Variants in UBE2E1 observed in about 807,000 individuals in gnomAD.
The protein encoded by UBE2E1 is ubiquitin-conjugating enzyme E2 E1.
UBE2E1 carries 6 observed loss-of-function variants against 21.4 expected under a neutral mutation model. The observed-to-expected ratio is 0.28, with a 90% CI of 0.15 to 0.55. The LOEUF (loss-of-function observed/expected upper bound fraction) is 0.55. UBE2E1 is among the 20% of genes least tolerant of loss of function. UBE2E1 has a pLI of 0.93. For missense variants in UBE2E1, 142 were observed against 236.5 expected, an observed-to-expected ratio of 0.60 and a Z score of 2.62; for synonymous variants, 87 against 82.7, an observed-to-expected ratio of 1.05 and a Z score of -0.28.
In UBE2E1 at chr3:23,891,110, G is replaced by A. The variant is rs766188277; in HGVS notation, c.*504G>A. 2.0e-5 allele frequency: 3 copies of A among 152,590 alleles called. No homozygotes were observed. Among genetic ancestry groups the A allele is most frequent in the African/African-American group, 4.8e-5 (2 of 41,428 alleles). The allele number at this position is 152,590 out of a possible 1,614,324, so 9.5% of individuals were successfully genotyped here. A position where few individuals can be genotyped will look rare whatever the true frequency, so the allele number is the denominator to read the frequency against. ...AAACACCATATAAGAGATGAGTAGT[G>A]CGTTTTATTTTATATGCCAATCTAC... is the stretch of plus-strand genomic sequence containing the variant. On this transcript the variant is annotated 3_prime_UTR_variant, in exon 6 of 6. Transcript: ENST00000306627.
chr3:23,866,449 C>T (rs995503092), intron 3 of UBE2E1: 1 of 152,264 alleles, frequency 6.6e-6, no homozygotes, highest in East Asian at 1.9e-4. Flanking sequence ...AATTCCTGGA[C>T]TGTGGGACCA....
Position 23,816,814 on chromosome 3 carries a change from A to G in UBE2E1, c.203+5304A>G, listed in dbSNP as rs1699528740. Among the ~76,000 whole-genome samples, 1 of 152,234 alleles carries G rather than the reference A, an allele frequency of 6.6e-6. No individual in the cohort carries two copies. Among genetic ancestry groups the G allele is most frequent in the Admixed American group, 6.5e-5 (1 of 15,288 alleles). On this transcript the variant is annotated intron_variant, in intron 3 of 5. Coordinates refer to ENST00000306627, the MANE Select transcript of UBE2E1 (RefSeq NM_003341.5). This position sits in a 1 kb window ranked among gnomAD's most constrained non-coding sequence, Gnocchi z 4.8. ...AATAGGCAAACTCATAAGGACAGAC[A>G]GTAGATTAGAGGTTTTCAGGGACTG...
rs55941535 is a variant in UBE2E1 at position 23,842,198 on chromosome 3, GGTGTGT to G, written c.203+30734_203+30739del. Among the ~76,000 whole-genome samples the G allele has an allele frequency of 3.6e-3, 375 of 104,334 alleles. No homozygotes were observed. The highest frequency in any genetic ancestry group is 0.017 in the Middle Eastern group (3 of 174). The allele number at this position is 104,334 out of a possible 152,430, so 68.4% of individuals were successfully genotyped here. A position where few individuals can be genotyped will look rare whatever the true frequency, so the allele number is the denominator to read the frequency against. ...TATGTCATGACCCAGTAAGTGAAGG[GGTGTGT>G]GTGTGTGTGTGTGTGTGTGTGTGTG... On this transcript the variant is annotated intron_variant, in intron 3 of 5. Transcript: ENST00000306627. The surrounding 1 kb of genome is among the most constrained non-coding windows in gnomAD (Gnocchi z 4.6).
At chr3:23,882,193 A>G (rs1473061146) in intron 3 of UBE2E1, among the ~76,000 whole-genome samples, 3 of 152,070 alleles carry the variant, frequency 2.0e-5, no homozygotes, top group East Asian at 3.9e-4. Flanking sequence ...CCCCACCCAC[A>G]TGTTACTGAT....
chr3:23,887,466 A>G lies in UBE2E1; in HGVS notation c.204-101A>G. On this transcript the variant is annotated intron_variant, in intron 3 of 5. Transcript: ENST00000306627. This position sits in a 1 kb window ranked among gnomAD's most constrained non-coding sequence, Gnocchi z 4.4. ...TTTTGTAAAGAGAATCCACACAGTA[A>G]ACAAAAGAGAGGAGAGAGGTAATCT... The G allele has an allele frequency of 2.8e-6, 4 of 1,445,972 alleles. No homozygotes were observed. Among genetic ancestry groups the G allele is most frequent in the Non-Finnish European group, 3.7e-6 (4 of 1,090,816 alleles). The allele number at this position is 1,445,972 out of a possible 1,614,324, so 89.6% of individuals were successfully genotyped here.
At chr3:23,878,946 G>A (rs749827373) in intron 3 of UBE2E1, 2 of 388,822 alleles carry the variant, frequency 5.1e-6, no homozygotes, top group Non-Finnish European at 1.0e-5. Flanking sequence ...TTCCACAAAA[G>A]CAGCCCCTGG....
chr3:23,839,315 T>C (rs1003427343), intron 3 of UBE2E1, among the ~76,000 whole-genome samples: 3 of 151,870 alleles, frequency 2.0e-5, no homozygotes, highest in Admixed American at 6.5e-5. Context: ...TACAAAAAAA[T>C]TAGCCGGGCA....
intron 3 of UBE2E1, among the ~76,000 whole-genome samples, chr3:23,862,093 T>C (rs1366068685): frequency 1.3e-5 from 2 of 152,212 alleles, no homozygotes; most frequent in African/African-American, 4.8e-5. Flanking sequence ...CCTGTCTGTA[T>C]GCTCCCCTAG....
In UBE2E1 at chr3:23,815,545, A is replaced by G. The variant is rs149593794; in HGVS notation, c.203+4035A>G. Among the ~76,000 whole-genome samples, 31 of 152,284 alleles carry G rather than the reference A, an allele frequency of 2.0e-4. No individual in the cohort carries two copies. The East Asian group carries it at 5.6e-3, about 27-fold the overall frequency. ...TTCCACGTAGTTTCTGTGAATTTAC[A>G]TTGTGTTTTTCTGGCATTCCAATAC... On this transcript the variant is annotated intron_variant, in intron 3 of 5. Transcript: ENST00000306627.
chr3:23,869,351 CTTTTTTTT>C (rs58059005), intron 3 of UBE2E1, among the ~76,000 whole-genome samples: 30 of 114,596 alleles, frequency 2.6e-4, no homozygotes, highest in Admixed American at 6.4e-4. Context: ...TTATGGTATC[CTTTTTTTT>C]TTTTTTTTTT....
chr3:23,867,338 C>CAAAT, intron 3 of UBE2E1, among the ~76,000 whole-genome samples: 1 of 152,162 alleles, frequency 6.6e-6, no homozygotes, highest in South Asian at 2.1e-4. Flanking sequence ...TTTAGATGTA[C>CAAAT]AAATAGTAGG....
chr3:23,888,290 T>G (rs1426171766), intron 4 of UBE2E1: 2 of 456,924 alleles, frequency 4.4e-6, no homozygotes, highest in Non-Finnish European at 8.8e-6. Context: ...ACCCATCTCC[T>G]GTACTCAATC....
intron 3 of UBE2E1, among the ~76,000 whole-genome samples, chr3:23,840,854 T>G (rs1027250534): frequency 6.6e-6 from 1 of 152,214 alleles, no homozygotes; most frequent in African/African-American, 2.4e-5. Context: ...CAGGCGATTG[T>G]AGGTCTCAAT....
In UBE2E1 at chr3:23,887,474, A is replaced by C; in HGVS notation, c.204-93A>C. On this transcript the variant is annotated intron_variant, in intron 3 of 5. Transcript: ENST00000306627. This position sits in a 1 kb window ranked among gnomAD's most constrained non-coding sequence, Gnocchi z 4.4. ...AGAGAATCCACACAGTAAACAAAAGAGAGGAGAGAGGTAATCTTTCCATCT... is the reference window on the plus strand; with the variant it reads ...AGAGAATCCACACAGTAAACAAAAGCGAGGAGAGAGGTAATCTTTCCATCT... The C allele has an allele frequency of 6.9e-7, 1 of 1,453,334 alleles. No homozygotes were observed. Among genetic ancestry groups the C allele is most frequent in the Non-Finnish European group, 9.1e-7 (1 of 1,094,742 alleles). 90.0% of individuals were successfully genotyped at this position (1,453,334 alleles called of 1,614,324 possible).
At chr3:23,860,492 G>A (rs1160855915) in intron 3 of UBE2E1, among the ~76,000 whole-genome samples, 3 of 152,192 alleles carry the variant, frequency 2.0e-5, no homozygotes, top group African/African-American at 7.2e-5. Flanking sequence ...TTAGTAGTCA[G>A]AAATGGACTG....
At chr3:23,828,922 A>G (rs149255414) in intron 3 of UBE2E1, among the ~76,000 whole-genome samples, 193 of 152,286 alleles carry the variant, frequency 1.3e-3, no homozygotes, top group Non-Finnish European at 2.2e-3. Flanking sequence ...ATGTCCATCA[A>G]TAAGTAACAG....
intron 3 of UBE2E1, among the ~76,000 whole-genome samples, chr3:23,841,077 T>G: frequency 6.6e-6 from 1 of 152,214 alleles, no homozygotes; most frequent in East Asian, 1.9e-4. Flanking sequence ...AAAACAATAC[T>G]TTCATGCTGT....
At chr3:23,855,626 G>A (rs982655041) in intron 3 of UBE2E1, among the ~76,000 whole-genome samples, 3 of 152,030 alleles carry the variant, frequency 2.0e-5, no homozygotes, top group Non-Finnish European at 2.9e-5. Context: ...TCAGGAGATC[G>A]AGACCATCCT....
intron 3 of UBE2E1, among the ~76,000 whole-genome samples, chr3:23,862,271 T>C (rs1481031271): frequency 6.6e-6 from 1 of 152,206 alleles, no homozygotes; most frequent in African/African-American, 2.4e-5. Context: ...TCATTTAATC[T>C]TTCAGGTTCT....
Sources: allele counts gnomAD v4.1 joint callset (sites outside exome capture counted in the v4.1 genomes callset), GRCh38; gene constraint gnomAD v4.1.1; non-coding constraint Gnocchi (gnomAD v3.1); transcripts MANE v1.5; gene names NCBI Gene and HGNC (gene_info 2026-07-23, HGNC 2026-07-21).